Variants in P3H2 observed in about 807,000 individuals in gnomAD.
P3H2 encodes the protein prolyl 3-hydroxylase 2.
P3H2 carries 80 observed loss-of-function variants against 87.0 expected under a neutral mutation model. The ratio of observed to expected loss-of-function variants is 0.92; its 90% CI spans 0.77 to 1.11. The LOEUF (loss-of-function observed/expected upper bound fraction) is 1.11. Among genes scored for constraint, P3H2 ranks in the 50% least tolerant of loss-of-function variants. The pLI is 0.00. For synonymous variants in P3H2, 367 were observed against 359.3 expected, an observed-to-expected ratio of 1.02 and a Z score of -0.24; for missense variants, 1,001 against 923.9, an observed-to-expected ratio of 1.08 and a Z score of -1.08.
chr3:189,961,103 G>A (rs1379398633), intron 14 of P3H2, among the ~76,000 whole-genome samples: 1 of 152,084 alleles, frequency 6.6e-6, no homozygotes, highest in Non-Finnish European at 1.5e-5. Flanking sequence ...ACCATGCCTG[G>A]CTAATTTTTG....
Position 190,120,204 on chromosome 3 carries a change from G to A in P3H2, c.480+48C>T, listed in dbSNP as rs710596. On this transcript the variant is annotated intron_variant, in intron 1 of 14. Transcript: ENST00000319332. Reference sequence around the variant, plus strand: ...GGCAGCAGGGAGGGCTCAAGAGAGCGTGTGAGAGCCGCAGGGGCTTTGCAG... The same window carrying A: ...GGCAGCAGGGAGGGCTCAAGAGAGCATGTGAGAGCCGCAGGGGCTTTGCAG... 783,782 of 1,587,012 alleles carry A rather than the reference G, an allele frequency of 0.49. 194,582 individuals are homozygous for A. The highest frequency in any genetic ancestry group is 0.64 in the East Asian group (28,296 of 44,146).
chr3:190,020,529 A>G (rs1385110361), intron 1 of P3H2, among the ~76,000 whole-genome samples: 2 of 134,314 alleles, frequency 1.5e-5, no homozygotes, highest in African/African-American at 5.1e-5. Flanking sequence ...CCCTCCTAGC[A>G]TCTTTTTTAT....
intron 1 of P3H2, among the ~76,000 whole-genome samples, chr3:190,059,869 G>A (rs146956097): frequency 1.7e-3 from 253 of 152,142 alleles, no homozygotes; most frequent in African/African-American, 5.5e-3. Flanking sequence ...ATTCCTTCTC[G>A]TCATCTGAGA....
chr3:189,980,822 T>C (rs1435995972), intron 8 of P3H2, among the ~76,000 whole-genome samples: 1 of 152,222 alleles, frequency 6.6e-6, no homozygotes, highest in East Asian at 1.9e-4. Context: ...AAGTTTATGC[T>C]GATGAGATGA....
intron 1 of P3H2, among the ~76,000 whole-genome samples, chr3:190,114,024 G>A (rs967390410): frequency 7.5e-6 from 1 of 133,650 alleles, no homozygotes; most frequent in African/African-American, 2.9e-5. Flanking sequence ...AGCTTGCAGT[G>A]AGCCGAGATG....
At chr3:190,032,933 A>G (rs1363668717) in intron 1 of P3H2, among the ~76,000 whole-genome samples, 1 of 152,198 alleles carries the variant, frequency 6.6e-6, no homozygotes, top group Non-Finnish European at 1.5e-5. Context: ...ATTGCAATAT[A>G]TAATAAAATA....
chr3:189,983,014 C>T, intron 8 of P3H2, 32 bp downstream of exon 8: 1 of 1,531,934 alleles, frequency 6.5e-7, no homozygotes, highest in Non-Finnish European at 9.0e-7. Flanking sequence ...CCCTTCCCCT[C>T]CTTTATAGGG....
rs189391125 is a variant in P3H2 at position 189,990,698 on chromosome 3, C to T, written c.824-1660G>A. 3.9e-5 allele frequency among the ~76,000 whole-genome samples: 6 copies of T among 152,252 alleles called. No individual in the cohort carries two copies. In the East Asian group the frequency reaches 1.2e-3, roughly 29 times the overall value. On this transcript the variant is annotated intron_variant, in intron 3 of 14. Transcript: ENST00000319332. ...TGCTATTTAAAAAGCCAGTTTTATA[C>T]CTAATTTAGGACAATTTTGAAGCAG... is the stretch of plus-strand genomic sequence containing the variant.
intron 8 of P3H2, among the ~76,000 whole-genome samples, chr3:189,979,704 G>A (rs903514376): frequency 6.6e-6 from 1 of 152,106 alleles, no homozygotes; most frequent in Non-Finnish European, 1.5e-5. Flanking sequence ...GCTCAGGCCT[G>A]TAATCCCAGC....
chr3:190,118,863 C>T (rs1263163062), intron 1 of P3H2, among the ~76,000 whole-genome samples: 7 of 151,236 alleles, frequency 4.6e-5, no homozygotes, highest in African/African-American at 1.7e-4. Flanking sequence ...GAGGCGGAGA[C>T]GGACGGGTCA....
chr3:190,020,973 G>A lies in P3H2; in HGVS notation c.481-25531C>T, dbSNP rs1196944995. Among the ~76,000 whole-genome samples, 2 of 134,502 alleles carry A rather than the reference G, an allele frequency of 1.5e-5. 1 individual carries two copies. The highest frequency in any genetic ancestry group is 3.3e-5 in the Non-Finnish European group (2 of 60,320). 88.2% of individuals were successfully genotyped at this position (134,502 alleles called of 152,430 possible). ...CAAATCCTTCAGTTTTATAAAAAGAGAAACTGAGACTCAAAAAGGCAAAAT... is the reference window on the plus strand; with the variant it reads ...CAAATCCTTCAGTTTTATAAAAAGAAAAACTGAGACTCAAAAAGGCAAAAT... On this transcript the variant is annotated intron_variant, in intron 1 of 14. Coordinates refer to ENST00000319332, the MANE Select transcript of P3H2 (RefSeq NM_018192.4).
rs553763849 is a variant in P3H2, at chr3:190,098,473, C to T, written c.480+21779G>A. On this transcript the variant is annotated intron_variant, in intron 1 of 14. Coordinates refer to ENST00000319332, the MANE Select transcript of P3H2 (RefSeq NM_018192.4). ...AGACAGGATAATAGATGATAGATAG[C>T]CCATTAGAAAAATGATAATGATAGC... Among the ~76,000 whole-genome samples the T allele has an allele frequency of 2.6e-5, 4 of 152,214 alleles. No homozygotes were observed. The South Asian group carries it at 8.3e-4, about 32-fold the overall frequency.
chr3:190,109,605 A>G (rs540781976), intron 1 of P3H2, among the ~76,000 whole-genome samples: 4 of 152,326 alleles, frequency 2.6e-5, no homozygotes, highest in South Asian at 4.1e-4. Context: ...AGAGAAAACT[A>G]TCTGGTCTTT....
chr3:190,085,636 C>T (rs1178894538), intron 1 of P3H2, among the ~76,000 whole-genome samples: 6 of 151,400 alleles, frequency 4.0e-5, no homozygotes, highest in African/African-American at 1.5e-4. Flanking sequence ...TGCTCAATAA[C>T]AACTACTTCT....
At chr3:189,973,405 TGAAC>T (rs1157397974) in intron 10 of P3H2, among the ~76,000 whole-genome samples, 2 of 152,052 alleles carry the variant, frequency 1.3e-5, no homozygotes, top group African/African-American at 4.8e-5. Context: ...AGTTGATGGC[TGAAC>T]GGAGGAATGA....
Position 189,957,931 on chromosome 3 carries a change from TTGA to T in P3H2, c.2105_2107del (p.Ile702del). On this transcript the variant is annotated inframe_deletion, in exon 15 of 15. Coordinates refer to ENST00000319332, the MANE Select transcript of P3H2 (RefSeq NM_018192.4). ...TCATTTTTATAGCTCATCTTTAGGG[TTGA>T]TATTCAGTTCATGCTTCCCTTGCTG... The T allele has an allele frequency of 6.2e-7, 1 of 1,608,696 alleles. No homozygotes were observed. The highest frequency in any genetic ancestry group is 8.5e-7 in the Non-Finnish European group (1 of 1,175,002).
chr3:189,999,545 T>C (rs1338304305), intron 1 of P3H2, among the ~76,000 whole-genome samples: 1 of 152,148 alleles, frequency 6.6e-6, no homozygotes, highest in Non-Finnish European at 1.5e-5. Context: ...TTACAAGGCA[T>C]AGTCAGTACT....
At chr3:189,979,015 G>T (rs994775786) in intron 8 of P3H2, among the ~76,000 whole-genome samples, 1 of 152,128 alleles carries the variant, frequency 6.6e-6, no homozygotes, top group African/African-American at 2.4e-5. Flanking sequence ...TGTACTCACT[G>T]TCTGGCTCAT....
intron 1 of P3H2, among the ~76,000 whole-genome samples, chr3:190,019,141 G>A (rs1243217050): frequency 6.6e-6 from 1 of 152,116 alleles, no homozygotes; most frequent in Non-Finnish European, 1.5e-5. Flanking sequence ...TTTCTGACTT[G>A]GCATTTAAGG....
Sources: allele counts gnomAD v4.1 joint callset (sites outside exome capture counted in the v4.1 genomes callset), GRCh38; gene constraint gnomAD v4.1.1; transcripts MANE v1.5; gene names NCBI Gene and HGNC (gene_info 2026-07-23, HGNC 2026-07-21).